ARHGAP39: variants seen among roughly 807,000 people sequenced by gnomAD.
ARHGAP39 encodes rho GTPase-activating protein 39.
Under a neutral mutation model 106.9 loss-of-function variants are expected in ARHGAP39, and 44 were observed. The observed-to-expected ratio is 0.41, with a 90% CI of 0.32 to 0.53. The LOEUF is 0.53. ARHGAP39 is among the 20% of genes least tolerant of loss of function. The pLI is 0.21. For synonymous variants in ARHGAP39, 768 were observed against 693.2 expected, an observed-to-expected ratio of 1.11 and a Z score of -1.69; for missense variants, 1,496 against 1,577.3, an observed-to-expected ratio of 0.95 and a Z score of 0.87.
chr8:144,580,880 C>T lies in ARHGAP39; in HGVS notation c.478G>A (p.Ala160Thr). 1 of 1,585,400 alleles carries T rather than the reference C, an allele frequency of 6.3e-7. No individual in the cohort carries two copies. The highest frequency in any genetic ancestry group is 8.5e-7 in the Non-Finnish European group (1 of 1,171,686). ...QELPARAGRP[A>T]AFGTVKEDSG... is the part of the protein sequence containing the mutation. ...TCCTCCTTCACTGTCCCAAACGCCG[C>T]GGGCCGCCCGGCCCTCGCTGGCAAC... The change falls in exon 3 of 12, where the codon GCG becomes ACG. Residue 160 changes from alanine to threonine, a missense_variant. Ala to Thr is a moderately conservative substitution (Grantham distance 58). This residue lies in a region of ARHGAP39 where 905 missense variants were observed against 816.4 expected (regional missense o/e 1.11). Transcript: ENST00000377307.
At chr8:144,576,833 C>T (rs1186371461) in intron 3 of ARHGAP39, among the ~76,000 whole-genome samples, 3 of 152,120 alleles carry the variant, frequency 2.0e-5, no homozygotes, top group Non-Finnish European at 4.4e-5. Context: ...AAATGATTCA[C>T]GATTCTCAAA....
chr8:144,617,312 G>GCTT (rs149913316), intron 1 of ARHGAP39, among the ~76,000 whole-genome samples: 8,073 of 152,238 alleles, frequency 0.053, 334 homozygotes, highest in Non-Finnish European at 0.085. Context: ...GTCTCAAAGG[G>GCTT]CTTCTCACCT....
Position 144,580,939 on chromosome 8 carries a change from A to C in ARHGAP39, c.419T>G (p.Leu140Arg). The C allele has an allele frequency of 6.2e-7, 1 of 1,605,522 alleles. No individual in the cohort carries two copies. The highest frequency in any genetic ancestry group is 8.5e-7 in the Non-Finnish European group (1 of 1,178,076). Residue 140 changes from leucine to arginine, a missense_variant, in exon 3 of 12, where the codon CTG becomes CGG. By Grantham distance (102) the Leu-to-Arg change is moderately radical. This residue lies in a region of ARHGAP39 where 905 missense variants were observed against 816.4 expected (regional missense o/e 1.11). Transcript: ENST00000377307. ...VSREGSTSSS[L>R]EPEPDTEKAQ... is the part of the protein sequence containing the mutation. ...TTTCTCAGTGTCGGGCTCGGGCTCC[A>C]GGGAGGAGCTGGTGCTGCCCTCACG...
At chr8:144,693,941 C>G in the ARHGAP39 span, among the ~76,000 whole-genome samples, 8 of 152,100 alleles carry the variant, frequency 5.3e-5, no homozygotes, top group African/African-American at 1.7e-4. Flanking sequence ...GACGGGGAGG[C>G]TGCAGAGAGG....
chr8:144,662,425 T>A (rs932184577), intron 1 of ARHGAP39, among the ~76,000 whole-genome samples: 4 of 145,408 alleles, frequency 2.8e-5, no homozygotes, highest in Admixed American at 2.7e-4. Context: ...CTCCCCATCA[T>A]CCACCTTGGG....
In ARHGAP39 at chr8:144,529,473, TCCCGGG is replaced by T. The variant is rs1816560812; in HGVS notation, c.*943_*948del. The T allele has an allele frequency of 6.7e-6, 1 of 150,124 alleles. No individual in the cohort carries two copies. Among genetic ancestry groups the T allele is most frequent in the Non-Finnish European group, 1.5e-5 (1 of 67,312 alleles). 9.3% of individuals were successfully genotyped at this position (150,124 alleles called of 1,614,324 possible). On this transcript the variant is annotated 3_prime_UTR_variant, in exon 12 of 12. Coordinates refer to ENST00000377307, the MANE Select transcript of ARHGAP39 (RefSeq NM_025251.3). The stretch of plus-strand genomic sequence containing the variant: ...CAGCTCTGGCCCCGAGAACGGACAG[TCCCGGG>T]CCCGGCGCCTTCCCGCTCGCTCGTC...
intron 2 of ARHGAP39, among the ~76,000 whole-genome samples, chr8:144,597,216 T>C (rs1454952881): frequency 6.6e-6 from 1 of 152,144 alleles, no homozygotes; most frequent in African/African-American, 2.4e-5. Context: ...CAGCAGGAGA[T>C]GCGTTTGCTC....
intron 1 of ARHGAP39, among the ~76,000 whole-genome samples, chr8:144,606,610 A>G (rs1210690447): frequency 8.0e-5 from 12 of 150,760 alleles, no homozygotes; most frequent in Non-Finnish European, 1.2e-4. Context: ...GGAGGAGGAG[A>G]AGGAGGAGGA....
At position 144,679,288 on chromosome 8, in the gene ARHGAP39, T is replaced by C. The variant is rs1234045874; in HGVS notation, c.-82+6398A>G. Among the ~76,000 whole-genome samples the C allele has an allele frequency of 6.6e-6, 1 of 152,128 alleles. No individual in the cohort carries two copies. Among genetic ancestry groups the C allele is most frequent in the African/African-American group, 2.4e-5 (1 of 41,432 alleles). ...TCCGAGCAGGGGCTCACCTTCCCCATAGGAGGCTGTACGTCACACCCTGCT... is the reference window on the plus strand; with the variant it reads ...TCCGAGCAGGGGCTCACCTTCCCCACAGGAGGCTGTACGTCACACCCTGCT... On this transcript the variant is annotated intron_variant, in intron 1 of 11. Coordinates refer to ENST00000377307, the MANE Select transcript of ARHGAP39 (RefSeq NM_025251.3). This position sits in a 1 kb window ranked among gnomAD's most constrained non-coding sequence, Gnocchi z 4.7.
chr8:144,530,223 C>CT lies in ARHGAP39; in HGVS notation c.*198dup. ...CGTGAGGTGGGGGGCCAGAGGCGCCCTCCCCGCCGCTGCTGTGCCCTGGCT... is the reference window on the plus strand; with the variant it reads ...CGTGAGGTGGGGGGCCAGAGGCGCCCTTCCCCGCCGCTGCTGTGCCCTGGCT... On this transcript the variant is annotated 3_prime_UTR_variant, in exon 12 of 12. Transcript: ENST00000377307. The CT allele has an allele frequency of 1.6e-6, 1 of 613,590 alleles. No homozygotes were observed. The highest frequency in any genetic ancestry group is 2.8e-6 in the Non-Finnish European group (1 of 362,726). 38.0% of individuals were successfully genotyped at this position (613,590 alleles called of 1,614,324 possible). A position where few individuals can be genotyped will look rare whatever the true frequency, so the allele number is the denominator to read the frequency against.
chr8:144,667,446 C>T (rs1821991884), intron 1 of ARHGAP39, among the ~76,000 whole-genome samples: 3 of 152,204 alleles, frequency 2.0e-5, no homozygotes, highest in African/African-American at 4.8e-5. Flanking sequence ...TGACACCTAC[C>T]AACTACTGCA....
chr8:144,590,968 A>C (rs2130914895), intron 2 of ARHGAP39, among the ~76,000 whole-genome samples: 1 of 152,256 alleles, frequency 6.6e-6, no homozygotes, highest in Non-Finnish European at 1.5e-5. Context: ...GAAACTCCCA[A>C]AACTGGGACC....
rs1014016549 is a variant in ARHGAP39 at position 144,670,027 on chromosome 8, T to C, written c.-82+15659A>G. Among the ~76,000 whole-genome samples, 2 of 152,122 alleles carry C rather than the reference T, an allele frequency of 1.3e-5. No individual in the cohort carries two copies. The highest frequency in any genetic ancestry group is 2.4e-5 in the African/African-American group (1 of 41,430). On this transcript the variant is annotated intron_variant, in intron 1 of 11. Coordinates refer to ENST00000377307, the MANE Select transcript of ARHGAP39 (RefSeq NM_025251.3). This position sits in a 1 kb window ranked among gnomAD's most constrained non-coding sequence, Gnocchi z 4.4. ...TACACAAATATTCATAATAGTCAAA[T>C]ATGGAAACAACTCAAAATGCCCAGC...
chr8:144,626,750 G>A (rs933012984), intron 1 of ARHGAP39, among the ~76,000 whole-genome samples: 1 of 152,212 alleles, frequency 6.6e-6, no homozygotes, highest in African/African-American at 2.4e-5. Flanking sequence ...CCCTCCTACC[G>A]GGGACACGCC....
intron 4 of ARHGAP39, among the ~76,000 whole-genome samples, chr8:144,553,935 T>C (rs1404658496): frequency 1.3e-5 from 2 of 152,370 alleles, no homozygotes; most frequent in East Asian, 3.9e-4. Flanking sequence ...CGATGTGGGC[T>C]GTCGCCTCCC....
intron 2 of ARHGAP39, among the ~76,000 whole-genome samples, chr8:144,601,608 A>ACCTG (rs1819953599): frequency 9.7e-6 from 1 of 103,276 alleles, no homozygotes. Context: ...GAGCTCATGT[A>ACCTG]TCTGTGTGTG....
chr8:144,595,403 C>T (rs746519202), intron 2 of ARHGAP39, among the ~76,000 whole-genome samples: 11 of 152,158 alleles, frequency 7.2e-5, no homozygotes, highest in Non-Finnish European at 1.3e-4. Flanking sequence ...GCCGGCCCGC[C>T]GTGCCCGAGG....
chr8:144,599,678 T>C (rs147739608), intron 2 of ARHGAP39, among the ~76,000 whole-genome samples: 1 of 152,036 alleles, frequency 6.6e-6, no homozygotes, highest in African/African-American at 2.4e-5. Flanking sequence ...AATCTCTAAC[T>C]GAAAGTAATG....
At chr8:144,616,621 C>T (rs1050665973) in intron 1 of ARHGAP39, among the ~76,000 whole-genome samples, 3 of 152,200 alleles carry the variant, frequency 2.0e-5, no homozygotes, top group African/African-American at 7.2e-5. Flanking sequence ...CCCCAGGCCG[C>T]CCTAGGCAGC....
Sources: allele counts gnomAD v4.1 joint callset (sites outside exome capture counted in the v4.1 genomes callset), GRCh38; gene constraint gnomAD v4.1.1; regional missense constraint gnomAD v4.1.1; non-coding constraint Gnocchi (gnomAD v3.1); transcripts MANE v1.5; gene names NCBI Gene and HGNC (gene_info 2026-07-23, HGNC 2026-07-21).